The following AGMO variants were observed in gnomAD, a reference collection of about 807,000 sequenced individuals.
AGMO encodes the protein alkylglycerol monooxygenase, also known as glyceryl-ether monooxygenase.
In AGMO, 75 loss-of-function variants were observed where a neutral mutation model predicts 60.2. The observed-to-expected ratio is 1.25, with a 90% CI of 1.03 to 1.51. The LOEUF is 1.51. Among genes scored for constraint, AGMO ranks in the 40% most tolerant of loss-of-function variants. AGMO has a pLI of 0.00. For missense variants in AGMO, 763 were observed against 525.5 expected (o/e 1.45, Z -4.42); for synonymous variants, 261 against 177.1 (o/e 1.47, Z -3.76).
the AGMO span, among the ~76,000 whole-genome samples, chr7:15,187,234 C>T: frequency 3.3e-5 from 5 of 152,122 alleles, no homozygotes; most frequent in Non-Finnish European, 5.9e-5. Flanking sequence ...ATTAGAGTAT[C>T]TATGGTTTAT....
At chr7:15,493,053 G>T (rs1408483072) in intron 3 of AGMO, among the ~76,000 whole-genome samples, 1 of 152,044 alleles carries the variant, frequency 6.6e-6, no homozygotes, top group Non-Finnish European at 1.5e-5. Flanking sequence ...TCCTAAGAGT[G>T]GAAGGGTTGT....
chr7:15,280,965 C>T (rs1005745261), intron 12 of AGMO, among the ~76,000 whole-genome samples: 3 of 152,182 alleles, frequency 2.0e-5, no homozygotes, highest in Admixed American at 2.0e-4. Flanking sequence ...TTCTTGTAGA[C>T]ATTCCCCAGC....
rs71004380 is a variant in AGMO at position 15,454,357 on chromosome 7, C to CCACACA, written c.410-23255_410-23250dup. On this transcript the variant is annotated intron_variant, in intron 3 of 12. Transcript: ENST00000342526. The stretch of plus-strand genomic sequence containing the variant: ...AAAGAACAGATCTTAAGTGTTCTCA[C>CCACACA]CACACACACACACACACACACAAAC... Among the ~76,000 whole-genome samples the CCACACA allele has an allele frequency of 9.5e-3, 1,413 of 149,218 alleles. 12 individuals are homozygous for CCACACA. Among genetic ancestry groups the CCACACA allele is most frequent in the African/African-American group, 0.023 (922 of 40,662 alleles).
intron 3 of AGMO, among the ~76,000 whole-genome samples, chr7:15,510,223 T>C (rs768822102): frequency 1.3e-5 from 2 of 152,138 alleles, no homozygotes; most frequent in Non-Finnish European, 2.9e-5. Context: ...TGAAGCACAA[T>C]GGTGTGAACA....
intron 12 of AGMO, among the ~76,000 whole-genome samples, chr7:15,309,983 T>G (rs1238125110): frequency 6.6e-6 from 1 of 152,162 alleles, no homozygotes; most frequent in East Asian, 1.9e-4. Flanking sequence ...CATATAAATT[T>G]TATGATGAAA....
At chr7:15,452,061 T>A (rs983246176) in intron 3 of AGMO, among the ~76,000 whole-genome samples, 2 of 152,146 alleles carry the variant, frequency 1.3e-5, no homozygotes, top group Non-Finnish European at 2.9e-5. Context: ...CTACAAGGAT[T>A]CAAATATACA....
intron 12 of AGMO, among the ~76,000 whole-genome samples, chr7:15,323,059 G>T (rs987365928): frequency 1.1e-4 from 17 of 151,358 alleles, no homozygotes; most frequent in Non-Finnish European, 1.9e-4. Context: ...CATCTTGAGT[G>T]ACTAAGGGAA....
chr7:15,150,921 A>G, the AGMO span, among the ~76,000 whole-genome samples: 7 of 152,096 alleles, frequency 4.6e-5, no homozygotes, highest in Non-Finnish European at 1.0e-4. Flanking sequence ...TATGTCTGGT[A>G]GAATTTGGCT....
At chr7:15,125,435 C>A in the AGMO span, among the ~76,000 whole-genome samples, 9 of 152,064 alleles carry the variant, frequency 5.9e-5, no homozygotes, top group Admixed American at 3.3e-4. Context: ...TAAGATGTGA[C>A]TGATTTTGAT....
the AGMO span, among the ~76,000 whole-genome samples, chr7:15,190,157 ATT>A: frequency 6.7e-4 from 1 of 1,494 alleles, no homozygotes; most frequent in Non-Finnish European, 1.4e-3. Context: ...ATATATATAT[ATT>A]TATATATATA....
At chr7:15,357,209 G>C (rs1389443911) in intron 12 of AGMO, among the ~76,000 whole-genome samples, 5 of 151,188 alleles carry the variant, frequency 3.3e-5, no homozygotes, top group Non-Finnish European at 5.9e-5. Context: ...GTGTGTGTGT[G>C]TGTGTGTGTG....
At chr7:15,411,516 TG>T (rs1780604881) in intron 5 of AGMO, among the ~76,000 whole-genome samples, 1 of 151,998 alleles carries the variant, frequency 6.6e-6, no homozygotes, top group South Asian at 2.1e-4. Flanking sequence ...TAATGTAAGT[TG>T]TTTTTTTAAA....
intron 10 of AGMO, among the ~76,000 whole-genome samples, chr7:15,369,407 T>TA (rs1303253424): frequency 6.6e-6 from 1 of 152,076 alleles, no homozygotes; most frequent in African/African-American, 2.4e-5. Context: ...TATTAATCCC[T>TA]AGTGTTCTCT....
intron 3 of AGMO, among the ~76,000 whole-genome samples, chr7:15,539,997 G>A (rs1345985414): frequency 6.6e-6 from 1 of 152,116 alleles, no homozygotes; most frequent in African/African-American, 2.4e-5. Flanking sequence ...AACCACATTA[G>A]TAACTTGAAT....
intron 10 of AGMO, among the ~76,000 whole-genome samples, chr7:15,382,357 G>T (rs775995249): frequency 6.6e-6 from 1 of 152,042 alleles, no homozygotes; most frequent in African/African-American, 2.4e-5. Flanking sequence ...GAATGTGCTC[G>T]GGGGAAGTGA....
intron 3 of AGMO, among the ~76,000 whole-genome samples, chr7:15,462,349 GTTAT>G (rs999231026): frequency 4.6e-5 from 7 of 151,990 alleles, no homozygotes; most frequent in African/African-American, 1.4e-4. Flanking sequence ...TCTAATAAAA[GTTAT>G]TTATTGTTTG....
chr7:15,289,705 A>G (rs1407019043), intron 12 of AGMO, among the ~76,000 whole-genome samples: 2 of 152,092 alleles, frequency 1.3e-5, no homozygotes, highest in Non-Finnish European at 2.9e-5. Context: ...TAATTCAAAG[A>G]AAGAGGTAAA....
chr7:15,436,156 A>G (rs2128499957), intron 3 of AGMO, among the ~76,000 whole-genome samples: 1 of 152,346 alleles, frequency 6.6e-6, no homozygotes, highest in South Asian at 2.1e-4. Flanking sequence ...CTAGCACTTT[A>G]TGCAACATTT....
intron 3 of AGMO, among the ~76,000 whole-genome samples, chr7:15,492,851 T>C (rs1783104166): frequency 6.6e-6 from 1 of 152,128 alleles, no homozygotes; most frequent in Non-Finnish European, 1.5e-5. Context: ...ACCTCTCCTT[T>C]TGGTCGCGCG....
Sources: allele counts gnomAD v4.1 joint callset (sites outside exome capture counted in the v4.1 genomes callset), GRCh38; gene constraint gnomAD v4.1.1; transcripts MANE v1.5; gene names NCBI Gene and HGNC (gene_info 2026-07-23, HGNC 2026-07-21).